Variants in OXCT1 observed in about 807,000 individuals in gnomAD.
OXCT1 encodes succinyl-CoA:3-ketoacid coenzyme A transferase 1, mitochondrial.
Under a neutral mutation model 69.6 loss-of-function variants are expected in OXCT1, and 27 were observed. That is an observed-to-expected ratio of 0.39 (90% confidence interval 0.29 to 0.54). The LOEUF (loss-of-function observed/expected upper bound fraction) is 0.54. Ranked by LOEUF, OXCT1 falls within the 20% of genes least tolerant of loss-of-function variation. The pLI, the probability that OXCT1 is intolerant of heterozygous loss-of-function variation, is 0.72. For missense variants in OXCT1, 437 were observed against 650.2 expected (o/e 0.67, Z 3.57); for synonymous variants, 202 against 217.8 (o/e 0.93, Z 0.64).
chr5:41,861,195 G>A lies in OXCT1; in HGVS notation c.278+119C>T. The A allele has an allele frequency of 4.0e-6, 3 of 754,202 alleles. No individual in the cohort carries two copies. In the South Asian group the frequency reaches 4.3e-5, roughly 11 times the overall value. The allele number at this position is 754,202 out of a possible 1,614,324, so 46.7% of individuals were successfully genotyped here. The stretch of plus-strand genomic sequence containing the variant: ...TTGACCTTGTTAAACACTAGATTTT[G>A]ATGCTTGGACATATTGCTCATGTGA... On this transcript the variant is annotated intron_variant, in intron 3 of 16. Transcript: ENST00000196371.
chr5:41,816,991 C>T (rs1323106198), intron 7 of OXCT1, among the ~76,000 whole-genome samples: 2 of 152,244 alleles, frequency 1.3e-5, no homozygotes, highest in African/African-American at 2.4e-5. Flanking sequence ...AGCCATCATT[C>T]GGACAATGAC....
chr5:41,851,131 T>C (rs564307599), intron 4 of OXCT1, among the ~76,000 whole-genome samples: 28 of 152,108 alleles, frequency 1.8e-4, no homozygotes, highest in Admixed American at 9.2e-4. Flanking sequence ...TCTGCCTCTT[T>C]AAGAAAAAAA....
chr5:41,816,934 C>A (rs13169977), intron 7 of OXCT1, among the ~76,000 whole-genome samples: 27,654 of 152,054 alleles, frequency 0.18, 2,724 homozygotes, highest in Middle Eastern at 0.28. Context: ...TACTCAAACT[C>A]TATACTTAAT....
chr5:41,784,117 C>A (rs1223598948), intron 13 of OXCT1, among the ~76,000 whole-genome samples: 4 of 152,114 alleles, frequency 2.6e-5, no homozygotes, highest in Non-Finnish European at 5.9e-5. Context: ...TGCAATAATT[C>A]TGATATTTCT....
intron 16 of OXCT1, among the ~76,000 whole-genome samples, chr5:41,735,334 T>C (rs927143422): frequency 1.3e-5 from 2 of 152,102 alleles, no homozygotes; most frequent in African/African-American, 4.8e-5. Flanking sequence ...CTAAGCAAAA[T>C]AAGCCAGTCA....
chr5:41,811,011 GA>G (rs1047751540), intron 7 of OXCT1, among the ~76,000 whole-genome samples: 1 of 108,742 alleles, frequency 9.2e-6, no homozygotes, highest in African/African-American at 3.5e-5. Flanking sequence ...TTGCCAAAAA[GA>G]AAAGAAAAAA....
At chr5:41,745,915 A>C (rs964226243) in intron 15 of OXCT1, among the ~76,000 whole-genome samples, 1 of 152,160 alleles carries the variant, frequency 6.6e-6, no homozygotes, top group Non-Finnish European at 1.5e-5. Context: ...TTAATGGCTT[A>C]CCAACCAAAA....
intron 7 of OXCT1, among the ~76,000 whole-genome samples, chr5:41,832,651 G>A (rs996414257): frequency 1.3e-5 from 2 of 152,028 alleles, no homozygotes; most frequent in Non-Finnish European, 2.9e-5. Context: ...AGGGAAGCAT[G>A]ACCTCACCAA....
intron 7 of OXCT1, among the ~76,000 whole-genome samples, chr5:41,837,644 A>G (rs1200505302): frequency 1.3e-5 from 2 of 152,072 alleles, no homozygotes; most frequent in Non-Finnish European, 2.9e-5. Context: ...AAAAAAAAAA[A>G]ACTCCTTATT....
At chr5:41,793,388 G>A (rs1030835776) in intron 13 of OXCT1, among the ~76,000 whole-genome samples, 1 of 152,230 alleles carries the variant, frequency 6.6e-6, no homozygotes, top group African/African-American at 2.4e-5. Flanking sequence ...CTACACTCAT[G>A]AATTAAGTCA....
At chr5:41,799,214 A>G (rs1746319544) in intron 11 of OXCT1, among the ~76,000 whole-genome samples, 1 of 152,226 alleles carries the variant, frequency 6.6e-6, no homozygotes. Context: ...TCAAACTAAC[A>G]CAAATAATGG....
intron 11 of OXCT1, among the ~76,000 whole-genome samples, chr5:41,796,559 C>T (rs535160386): frequency 6.6e-6 from 1 of 152,236 alleles, no homozygotes; most frequent in East Asian, 1.9e-4. Flanking sequence ...ATATCCCCCT[C>T]CATTAAAACT....
intron 13 of OXCT1, among the ~76,000 whole-genome samples, chr5:41,774,573 T>C (rs1159817869): frequency 6.6e-6 from 1 of 152,094 alleles, no homozygotes; most frequent in African/African-American, 2.4e-5. Context: ...GAGCTCCCAA[T>C]GGCTATGGCT....
At chr5:41,777,308 TAGGAGGCTG>T (rs1215861177) in intron 13 of OXCT1, among the ~76,000 whole-genome samples, 1 of 152,064 alleles carries the variant, frequency 6.6e-6, no homozygotes, top group Non-Finnish European at 1.5e-5. Context: ...GCCAGCTACT[TAGGAGGCTG>T]AGGCAGAAGA....
At chr5:41,758,112 G>A (rs774810349) in intron 14 of OXCT1, among the ~76,000 whole-genome samples, 6 of 151,994 alleles carry the variant, frequency 3.9e-5, no homozygotes, top group Admixed American at 6.6e-5. Context: ...AATACATAGT[G>A]GGGAGCAGAC....
At chr5:41,803,539 G>T (rs1478433832) in intron 9 of OXCT1, among the ~76,000 whole-genome samples, 1 of 151,960 alleles carries the variant, frequency 6.6e-6, no homozygotes, top group Non-Finnish European at 1.5e-5. Context: ...CAAAACTCCT[G>T]CCAAAAGTAA....
At chr5:41,764,548 C>T (rs1234138700) in intron 13 of OXCT1, among the ~76,000 whole-genome samples, 1 of 152,122 alleles carries the variant, frequency 6.6e-6, no homozygotes, top group Non-Finnish European at 1.5e-5. Context: ...ACTACACTTC[C>T]TTCCTCTAAA....
intron 15 of OXCT1, among the ~76,000 whole-genome samples, chr5:41,742,025 GA>G (rs992481037): frequency 4.6e-5 from 7 of 151,778 alleles, no homozygotes; most frequent in African/African-American, 7.3e-5. Context: ...GAACAAATAA[GA>G]AAAAAAGAGC....
At chr5:41,749,835 T>C (rs141438433) in intron 14 of OXCT1, among the ~76,000 whole-genome samples, 140 of 152,178 alleles carry the variant, frequency 9.2e-4, no homozygotes, top group Middle Eastern at 3.4e-3. Flanking sequence ...AATGATTTAA[T>C]TGGGAAACAT....
Sources: allele counts gnomAD v4.1 joint callset (sites outside exome capture counted in the v4.1 genomes callset), GRCh38; gene constraint gnomAD v4.1.1; transcripts MANE v1.5; gene names NCBI Gene and HGNC (gene_info 2026-07-23, HGNC 2026-07-21).